The following RNF125 variants were observed in gnomAD, a reference collection of about 807,000 sequenced individuals.
The protein encoded by RNF125 is ring finger protein 125.
RNF125 carries 21 observed loss-of-function variants against 26.0 expected under a neutral mutation model. That is an observed-to-expected ratio of 0.81 (90% confidence interval 0.57 to 1.16). The LOEUF (loss-of-function observed/expected upper bound fraction) is 1.16. Ranked by LOEUF, RNF125 falls within the 50% of genes most tolerant of loss-of-function variation. The probability of loss-of-function intolerance (pLI) is 0.00; values close to 1 mark genes in which losing one functional copy is unlikely to be tolerated. For synonymous variants in RNF125, 95 were observed against 109.2 expected, an observed-to-expected ratio of 0.87 and a Z score of 0.81; for missense variants, 270 against 299.4, an observed-to-expected ratio of 0.90 and a Z score of 0.72.
chr18:32,019,540 C>G (rs1344400169), intron 1 of RNF125, among the ~76,000 whole-genome samples: 2 of 152,240 alleles, frequency 1.3e-5, no homozygotes, highest in Non-Finnish European at 2.9e-5. Context: ...AGAATGCCCA[C>G]AGAGGCTCGT....
At chr18:32,082,112 A>G in the RNF125 span, among the ~76,000 whole-genome samples, 1 of 152,184 alleles carries the variant, frequency 6.6e-6, no homozygotes, top group South Asian at 2.1e-4. Flanking sequence ...ACATTAGAGA[A>G]CCTCACACTG....
chr18:32,048,257 C>CAA (rs56147477), intron 4 of RNF125, among the ~76,000 whole-genome samples: 5 of 117,794 alleles, frequency 4.2e-5, no homozygotes, highest in Non-Finnish European at 7.1e-5. Context: ...ACTAAAAATA[C>CAA]AAAAAAAAAA....
At chr18:32,031,993 G>T (rs1165338459) in intron 1 of RNF125, among the ~76,000 whole-genome samples, 1 of 151,970 alleles carries the variant, frequency 6.6e-6, no homozygotes. Context: ...TCTGCCTCCT[G>T]GGTTCAAGTG....
At position 32,037,159 on chromosome 18, in the gene RNF125, T is replaced by G. The variant is rs2039164246; in HGVS notation, c.208T>G (p.Trp70Gly). The G allele has an allele frequency of 1.2e-6, 2 of 1,607,198 alleles. No homozygotes were observed. The highest frequency in any genetic ancestry group is 1.3e-5 in the African/African-American group (1 of 74,468). Residue 70 changes from tryptophan to glycine, a missense_variant, in exon 2 of 6, where the codon TGG becomes GGG. Trp to Gly is a radical substitution (Grantham distance 184, BLOSUM62 -2). Coordinates refer to ENST00000217740, the MANE Select transcript of RNF125 (RefSeq NM_017831.4). ...TGCTACCAGTCTAAAGAACAACAAG[T>G]GGACCTGTCCTTATTGCCGGGCATA... ...CIATSLKNNK[W>G]TCPYCRAYLP... is the part of the protein sequence containing the mutation.
rs779097194 is a variant in RNF125 at position 32,037,186 on chromosome 18, C to G, written c.235C>G (p.Leu79Val). The G allele has an allele frequency of 3.1e-6, 5 of 1,605,996 alleles. No homozygotes were observed. Among genetic ancestry groups the G allele is most frequent in the Non-Finnish European group, 4.2e-6 (5 of 1,177,230 alleles). Residue 79 changes from leucine (L) to valine (V), a missense_variant, in exon 2 of 6, where the codon CTT (leucine) becomes GTT (valine). Coordinates refer to ENST00000217740, the MANE Select transcript of RNF125 (RefSeq NM_017831.4). ...KWTCPYCRAYLPSEGVPATDV... is the reference protein window; with the variant it reads ...KWTCPYCRAYVPSEGVPATDV... ...GACCTGTCCTTATTGCCGGGCATAT[C>G]TTCCTTCAGAAGGAGTTCCAGCAAC...
chr18:32,046,063 A>G (rs1243030002), intron 4 of RNF125, among the ~76,000 whole-genome samples: 2 of 152,086 alleles, frequency 1.3e-5, no homozygotes, highest in African/African-American at 4.8e-5. Context: ...CTAAAAATAC[A>G]AAAACTAGCT....
intron 4 of RNF125, among the ~76,000 whole-genome samples, chr18:32,056,716 AAAAG>A (rs763689325): frequency 1.3e-4 from 15 of 111,566 alleles, no homozygotes; most frequent in Non-Finnish European, 2.3e-4. Flanking sequence ...AAATTTAAAA[AAAAG>A]AGCAAAAGGA....
At chr18:32,047,424 T>G (rs2039283172) in intron 4 of RNF125, among the ~76,000 whole-genome samples, 1 of 152,240 alleles carries the variant, frequency 6.6e-6, no homozygotes, top group Non-Finnish European at 1.5e-5. Flanking sequence ...AAGAGGAAAT[T>G]CCTTACATTA....
chr18:32,021,115 G>C (rs1220457073), intron 1 of RNF125, among the ~76,000 whole-genome samples: 8 of 152,084 alleles, frequency 5.3e-5, no homozygotes, highest in Non-Finnish European at 1.2e-4. Flanking sequence ...GAGTCTTGCT[G>C]TGTTGCCCAG....
the RNF125 span, among the ~76,000 whole-genome samples, chr18:32,084,834 A>C: frequency 6.6e-6 from 1 of 152,220 alleles, no homozygotes; most frequent in African/African-American, 2.4e-5. Flanking sequence ...AATACATAAA[A>C]TATGGATGAT....
At chr18:32,054,244 C>G (rs1004649685) in intron 4 of RNF125, among the ~76,000 whole-genome samples, 2 of 151,940 alleles carry the variant, frequency 1.3e-5, no homozygotes, top group Non-Finnish European at 2.9e-5. Flanking sequence ...CAGGCGTGCG[C>G]CACCATGCCG....
chr18:32,052,792 G>A (rs957727444), intron 4 of RNF125, among the ~76,000 whole-genome samples: 2 of 152,140 alleles, frequency 1.3e-5, no homozygotes, highest in South Asian at 4.1e-4. Flanking sequence ...CTGTTGTCCA[G>A]CTCTTTTACA....
intron 1 of RNF125, among the ~76,000 whole-genome samples, chr18:32,021,551 A>G (rs538030255): frequency 9.2e-5 from 14 of 152,324 alleles, no homozygotes; most frequent in African/African-American, 1.7e-4. Flanking sequence ...GTCATAAAAT[A>G]TATTGATTAT....
the RNF125 span, among the ~76,000 whole-genome samples, chr18:32,085,373 C>CAGAGAGAGAGAGAGAGAGAGAGAG: frequency 1.6e-5 from 2 of 128,724 alleles, no homozygotes; most frequent in African/African-American, 6.2e-5. Context: ...CTGCCAGAAG[C>CAGAGAGAGAGAGAGAGAGAGAGAG]AGAGAGAGAG....
chr18:32,019,727 C>A (rs2038967803), intron 1 of RNF125, among the ~76,000 whole-genome samples: 1 of 152,094 alleles, frequency 6.6e-6, no homozygotes, highest in African/African-American at 2.4e-5. Context: ...AGCCGCCAAG[C>A]CCCTGAATGT....
chr18:32,082,033 G>C, the RNF125 span, among the ~76,000 whole-genome samples: 1 of 152,220 alleles, frequency 6.6e-6, no homozygotes, highest in Middle Eastern at 3.2e-3. Flanking sequence ...GAAAGTTTGA[G>C]ATCCTGGCAA....
chr18:32,019,794 CACGGT>C (rs2144420946), intron 1 of RNF125, among the ~76,000 whole-genome samples: 1 of 152,334 alleles, frequency 6.6e-6, no homozygotes, highest in African/African-American at 2.4e-5. Context: ...CTGCTTTACG[CACGGT>C]CTCTCCAAAC....
chr18:32,064,404 T>C (rs1207046476), intron 4 of RNF125, among the ~76,000 whole-genome samples: 5 of 123,912 alleles, frequency 4.0e-5, no homozygotes, highest in African/African-American at 1.1e-4. Flanking sequence ...TTCTTTTTTT[T>C]TTTTTTTTTT....
At chr18:32,021,044 G>T (rs1030006931) in intron 1 of RNF125, among the ~76,000 whole-genome samples, 2 of 152,180 alleles carry the variant, frequency 1.3e-5, no homozygotes, top group African/African-American at 4.8e-5. Context: ...CCTGCACAAT[G>T]TATAAATAAA....
Sources: allele counts gnomAD v4.1 joint callset (sites outside exome capture counted in the v4.1 genomes callset), GRCh38; gene constraint gnomAD v4.1.1; transcripts MANE v1.5; gene names NCBI Gene and HGNC (gene_info 2026-07-23, HGNC 2026-07-21).